The following ALOX15B variants were observed in gnomAD, a reference collection of about 807,000 sequenced individuals.
The protein encoded by ALOX15B is arachidonate 15-lipoxygenase type B, also known as polyunsaturated fatty acid lipoxygenase ALOX15B.
ALOX15B carries 74 observed loss-of-function variants against 73.8 expected under a neutral mutation model. The ratio of observed to expected loss-of-function variants is 1.00; its 90% CI spans 0.83 to 1.22. The LOEUF (loss-of-function observed/expected upper bound fraction) is 1.22. ALOX15B is among the 50% of genes most tolerant of loss of function. ALOX15B has a pLI of 0.00. For synonymous variants in ALOX15B, 353 were observed against 357.2 expected (o/e 0.99, Z 0.13); for missense variants, 896 against 859.9 (o/e 1.04, Z -0.52).
intron 3 of ALOX15B, among the ~76,000 whole-genome samples, chr17:8,041,973 T>TA (rs1976475594): frequency 6.6e-6 from 1 of 152,200 alleles, no homozygotes; most frequent in African/African-American, 2.4e-5. Flanking sequence ...CAGAGGCACT[T>TA]ACAGAAACAC....
In ALOX15B at chr17:8,039,403, G is replaced by A; in HGVS notation, c.165G>A (p.Val55=). The A allele has an allele frequency of 1.9e-6, 3 of 1,613,014 alleles. No individual in the cohort carries two copies. Among genetic ancestry groups the A allele is most frequent in the Non-Finnish European group, 2.5e-6 (3 of 1,179,502 alleles). ...FTAGAEEDFQ[V]TLPEDVGRVL... ...CCCCTCAGGAGGAGGACTTCCAGGT[G>A]ACGCTCCCGGAGGACGTAGGCCGAG... The change falls in exon 2 of 14, where the codon GTG becomes GTA. Residue 55 remains valine (V), a synonymous_variant. Transcript: ENST00000380183.
intron 5 of ALOX15B, 42 bp from the exon 6 acceptor site, chr17:8,044,787 G>A (rs756071665): frequency 9.4e-6 from 6 of 637,284 alleles, no homozygotes; most frequent in East Asian, 1.2e-4. Flanking sequence ...TGCAAAGCAC[G>A]CATTTGAGTG....
intron 13 of ALOX15B, 40 bp downstream of exon 13, chr17:8,047,955 G>T (rs1395663155): frequency 1.2e-6 from 2 of 1,602,916 alleles, no homozygotes; most frequent in East Asian, 2.2e-5. Context: ...CCAAATTGGG[G>T]TAAGAGAGGG....
At chr17:8,043,446 T>C (rs1340659057) in intron 5 of ALOX15B, among the ~76,000 whole-genome samples, 2 of 152,100 alleles carry the variant, frequency 1.3e-5, no homozygotes, top group Non-Finnish European at 2.9e-5. Flanking sequence ...ACCACTGTGG[T>C]CAAAGTGTAA....
chr17:8,039,384 A>G lies in ALOX15B; in HGVS notation c.148-2A>G, dbSNP rs1291497902. Reference sequence around the variant, plus strand: ...CCTGACGCATACTTAACCTCCCCTCAGGAGGAGGACTTCCAGGTGACGCTC... The same window carrying G: ...CCTGACGCATACTTAACCTCCCCTCGGGAGGAGGACTTCCAGGTGACGCTC... On this transcript the variant is annotated splice_acceptor_variant, in intron 1 of 13. Coordinates refer to ENST00000380183, the MANE Select transcript of ALOX15B (RefSeq NM_001141.3). LOFTEE classifies it high-confidence loss of function. 1.2e-6 allele frequency: 2 copies of G among 1,612,300 alleles called. No individual in the cohort carries two copies. Among genetic ancestry groups the G allele is most frequent in the Admixed American group, 1.7e-5 (1 of 59,826 alleles).
At chr17:8,039,828 G>T in intron 2 of ALOX15B, 74 bp from the exon 3 acceptor site, 2 of 1,454,528 alleles carry the variant, frequency 1.4e-6, no homozygotes, top group Non-Finnish European at 1.9e-6. Flanking sequence ...GGTGGCAATC[G>T]TGGAGACTGT....
rs188570590 is a variant in ALOX15B at position 8,049,086 on chromosome 17, G to T, written c.*521G>T. ...TCAGAAGTTCAAGGCCAGCCTGGAC[G>T]ACATAGCGAGACTCCACCTCTACCA... On this transcript the variant is annotated 3_prime_UTR_variant, in exon 14 of 14. Coordinates refer to ENST00000380183, the MANE Select transcript of ALOX15B (RefSeq NM_001141.3). The T allele has an allele frequency of 1.3e-5, 2 of 152,114 alleles. No homozygotes were observed. The highest frequency in any genetic ancestry group is 2.9e-5 in the Non-Finnish European group (2 of 68,182). The allele number at this position is 152,114 out of a possible 1,614,324, so 9.4% of individuals were successfully genotyped here.
In ALOX15B at chr17:8,048,643, C is replaced by G. The variant is rs1976680836; in HGVS notation, c.*78C>G. 6.6e-7 allele frequency: 1 copy of G among 1,504,070 alleles called. No individual in the cohort carries two copies. Among genetic ancestry groups the G allele is most frequent in the Non-Finnish European group, 8.9e-7 (1 of 1,121,240 alleles). The allele number at this position is 1,504,070 out of a possible 1,614,324, so 93.2% of individuals were successfully genotyped here. ...GATAACTGGCACCCAGAGAAAAGGA[C>G]TCCTCAGAAAAAACAGGCCCCCATG... On this transcript the variant is annotated 3_prime_UTR_variant, in exon 14 of 14. Coordinates refer to ENST00000380183, the MANE Select transcript of ALOX15B (RefSeq NM_001141.3).
chr17:8,041,451 A>G (rs994400448), intron 3 of ALOX15B, among the ~76,000 whole-genome samples: 31 of 152,194 alleles, frequency 2.0e-4, no homozygotes, highest in African/African-American at 7.0e-4. Context: ...TCTCAGATCC[A>G]TTGCAACAGC....
At position 8,039,947 on chromosome 17, in the gene ALOX15B, G is replaced by T. The variant is rs771993874; in HGVS notation, c.413G>T (p.Arg138Leu). The T allele has an allele frequency of 9.9e-6, 16 of 1,613,452 alleles. No individual in the cohort carries two copies. Among genetic ancestry groups the T allele is most frequent in the African/African-American group, 1.3e-5 (1 of 74,806 alleles). ...ADHHPVLQQQ[R>L]QEELQARQEM... ...CACCACCCTGTGCTCCAGCAACAGCGCCAGGAGGAGCTTCAGGCCCGGCAG... is the reference window on the plus strand; with the variant it reads ...CACCACCCTGTGCTCCAGCAACAGCTCCAGGAGGAGCTTCAGGCCCGGCAG... Residue 138 changes from arginine to leucine, a missense_variant, in exon 3 of 14, where the codon CGC becomes CTC. Coordinates refer to ENST00000380183, the MANE Select transcript of ALOX15B (RefSeq NM_001141.3).
chr17:8,040,715 A>G (rs1053727997), intron 3 of ALOX15B, among the ~76,000 whole-genome samples: 3 of 152,132 alleles, frequency 2.0e-5, no homozygotes, highest in Non-Finnish European at 4.4e-5. Flanking sequence ...TTGCCCTGGG[A>G]CTTTTTCATG....
intron 3 of ALOX15B, among the ~76,000 whole-genome samples, chr17:8,040,627 G>GAAAGAA (rs1398652344): frequency 1.5e-5 from 2 of 129,266 alleles, no homozygotes; most frequent in African/African-American, 5.3e-5. Context: ...AAGAAAGAAA[G>GAAAGAA]AAAGAAAGAA....
intron 5 of ALOX15B, 95 bp downstream of exon 5, chr17:8,042,979 T>A (rs59352280): frequency 9.9e-7 from 1 of 1,010,168 alleles, no homozygotes; most frequent in African/African-American, 1.6e-5. Flanking sequence ...CAATTTGCTA[T>A]GTAACCCTGA....
At position 8,040,439 on chromosome 17, in the gene ALOX15B, G is replaced by A. The variant is rs375948068; in HGVS notation, c.449+456G>A. 3.5e-4 allele frequency among the ~76,000 whole-genome samples: 53 copies of A among 151,800 alleles called. No individual in the cohort carries two copies. The South Asian group carries it at 0.011, about 30-fold the overall frequency. ...GGGCACCTGTATTCTCAGCTACATGGGAGGCTGAGGCAGAAGAATAGCTTG... is the reference window on the plus strand; with the variant it reads ...GGGCACCTGTATTCTCAGCTACATGAGAGGCTGAGGCAGAAGAATAGCTTG... On this transcript the variant is annotated intron_variant, in intron 3 of 13. Coordinates refer to ENST00000380183, the MANE Select transcript of ALOX15B (RefSeq NM_001141.3).
intron 3 of ALOX15B, among the ~76,000 whole-genome samples, chr17:8,042,089 A>G (rs918344595): frequency 3.3e-5 from 5 of 152,186 alleles, no homozygotes; most frequent in Admixed American, 6.5e-5. Flanking sequence ...CTCAGCCCCA[A>G]TGGCAAATTC....
Position 8,042,803 on chromosome 17 carries a change from G to T in ALOX15B, c.595G>T (p.Gly199Trp). Residue 199 changes from glycine to tryptophan, a missense_variant, in exon 5 of 14, where the codon GGG (glycine) becomes TGG (tryptophan). Transcript: ENST00000380183. The part of the protein sequence containing the change: ...GSAFAEMKIK[G>W]LLDRKGLWRS... ...CAGTTTTGCAGAGATGAAAATCAAGGGGTTGCTGGACCGCAAGGGGCTCTG... is the reference window on the plus strand; with the variant it reads ...CAGTTTTGCAGAGATGAAAATCAAGTGGTTGCTGGACCGCAAGGGGCTCTG... 6 of 1,559,380 alleles carry T rather than the reference G, an allele frequency of 3.8e-6. No individual in the cohort carries two copies. In the South Asian group the frequency reaches 5.9e-5, roughly 15 times the overall value.
chr17:8,046,858 T>TCC, intron 9 of ALOX15B, 49 bp from the exon 10 acceptor site: 1 of 1,611,934 alleles, frequency 6.2e-7, no homozygotes, highest in Non-Finnish European at 8.5e-7. Context: ...CAGTGCTACC[T>TCC]CCTGCTTCTG....
chr17:8,046,884 G>A (rs1364180543), intron 9 of ALOX15B, 23 bp from the exon 10 acceptor site: 1 of 1,613,464 alleles, frequency 6.2e-7, no homozygotes, highest in Non-Finnish European at 8.5e-7. Context: ...AGGTCTGTAG[G>A]ACCCAAGAGT....
chr17:8,042,976 C>A, intron 5 of ALOX15B, 92 bp downstream of exon 5: 2 of 1,024,102 alleles, frequency 2.0e-6, no homozygotes, highest in South Asian at 1.4e-5. Context: ...CACCAATTTG[C>A]TATGTAACCC....
Sources: gnomAD v4.1 joint callset for allele counts (sites outside exome capture counted in the v4.1 genomes callset) on GRCh38, gnomAD v4.1.1 for gene constraint, MANE v1.5 for transcripts, NCBI Gene and HGNC (gene_info 2026-07-23, HGNC 2026-07-21) for gene names.